Variants in TRHDE observed in about 807,000 individuals in gnomAD.
The protein encoded by TRHDE is thyrotropin releasing hormone degrading enzyme.
In TRHDE, 72 loss-of-function variants were observed where a neutral mutation model predicts 125.7. The ratio of observed to expected loss-of-function variants is 0.57; its 90% CI spans 0.47 to 0.70. The LOEUF is 0.70. Among genes scored for constraint, TRHDE ranks in the 30% least tolerant of loss-of-function variants. The pLI, the probability that TRHDE is intolerant of heterozygous loss-of-function variation, is 0.00. For missense variants in TRHDE, 1,110 were observed against 1,327.1 expected (o/e 0.84, Z 2.54); for synonymous variants, 509 against 509.1 (o/e 1.00, Z 0.00).
intron 6 of TRHDE, 149 bp from the exon 7 acceptor site, chr12:72,542,142 A>T: frequency 4.1e-6 from 2 of 488,284 alleles, no homozygotes; most frequent in Non-Finnish European, 6.8e-6. Flanking sequence ...GTTATCACTA[A>T]GTTGGATGTT....
chr12:72,326,932 A>C (rs888915650), intron 2 of TRHDE, among the ~76,000 whole-genome samples: 1 of 152,054 alleles, frequency 6.6e-6, no homozygotes, highest in South Asian at 2.1e-4. Context: ...CTGCTGAGCT[A>C]GATGATTATA....
At chr12:72,461,039 G>A (rs1006941538) in intron 3 of TRHDE, among the ~76,000 whole-genome samples, 1 of 152,150 alleles carries the variant, frequency 6.6e-6, no homozygotes, top group Non-Finnish European at 1.5e-5. Flanking sequence ...TGAATGTGTG[G>A]CAGGAGGATC....
chr12:72,230,894 T>C (rs778460575), intron 2 of TRHDE, among the ~76,000 whole-genome samples: 9 of 152,202 alleles, frequency 5.9e-5, no homozygotes, highest in Admixed American at 3.3e-4. Flanking sequence ...ACTGTTACTA[T>C]GAATCATTAT....
chr12:72,273,547 G>C lies in TRHDE; in HGVS notation c.904G>C (p.Gly302Arg), dbSNP rs368667547. The C allele has an allele frequency of 2.0e-5, 32 of 1,596,150 alleles. No individual in the cohort carries two copies. Among genetic ancestry groups the C allele is most frequent in the African/African-American group, 1.7e-4 (13 of 74,784 alleles). Residue 302 changes from glycine (G) to arginine (R), a missense_variant, in exon 1 of 19, where the codon GGG (glycine) becomes CGG (arginine). This residue lies in a region of TRHDE where 252 missense variants were observed against 274.8 expected (regional missense o/e 0.92). Transcript: ENST00000261180. The surrounding 1 kb of genome is among the most constrained non-coding windows in gnomAD (Gnocchi z 5.3). The part of the protein sequence containing the change: ...GFFRSSYVLH[G>R]ERRFLGVTQF... ...CTTCCGCAGCTCCTATGTGCTCCAC[G>C]GGGAGAGAAGGTATGGAGGGAGGCG...
At chr12:72,294,535 G>C (rs1000658965) in intron 2 of TRHDE, among the ~76,000 whole-genome samples, 4 of 152,112 alleles carry the variant, frequency 2.6e-5, no homozygotes, top group African/African-American at 9.7e-5. Context: ...TCTGCATCCA[G>C]TCGTCTGGAT....
chr12:72,390,208 G>A (rs897926822), intron 3 of TRHDE, among the ~76,000 whole-genome samples: 2 of 152,080 alleles, frequency 1.3e-5, no homozygotes, highest in Non-Finnish European at 2.9e-5. Flanking sequence ...AGCAAGATAC[G>A]TAATTTGTAT....
Position 72,251,925 on chromosome 12 carries a change from A to G in TRHDE, n.280-126070A>G, listed in dbSNP as rs113950291. ...ATGAAGTTGAAATCTTTTTACATGCATTTTTGCCATCTGTACATCCTCTTC... is the reference window on the plus strand; with the variant it reads ...ATGAAGTTGAAATCTTTTTACATGCGTTTTTGCCATCTGTACATCCTCTTC... On this transcript the variant is annotated intron_variant and non_coding_transcript_variant, in intron 2 of 4. Coordinates refer to the TRHDE transcript ENST00000548156. Among the ~76,000 whole-genome samples the G allele has an allele frequency of 5.3e-5, 8 of 152,146 alleles. 1 individual carries two copies. Among genetic ancestry groups the G allele is most frequent in the African/African-American group, 1.2e-4 (5 of 41,532 alleles).
At chr12:72,325,219 T>C (rs902140585) in intron 2 of TRHDE, among the ~76,000 whole-genome samples, 4 of 152,294 alleles carry the variant, frequency 2.6e-5, no homozygotes, top group African/African-American at 9.6e-5. Context: ...TTGTTATTTT[T>C]TGAGGGCTTA....
At chr12:72,496,150 A>C (rs989977186) in intron 5 of TRHDE, among the ~76,000 whole-genome samples, 4 of 152,224 alleles carry the variant, frequency 2.6e-5, no homozygotes, top group African/African-American at 9.6e-5. Flanking sequence ...CACCACAAAC[A>C]TTTCAACACG....
chr12:72,355,024 T>G (rs967745519), intron 2 of TRHDE, among the ~76,000 whole-genome samples: 4 of 151,560 alleles, frequency 2.6e-5, no homozygotes, highest in African/African-American at 4.8e-5. Context: ...CCAATATTGA[T>G]TAAGTTCCTG....
At chr12:72,480,990 C>A (rs1220037602) in intron 5 of TRHDE, among the ~76,000 whole-genome samples, 2 of 152,056 alleles carry the variant, frequency 1.3e-5, no homozygotes, top group African/African-American at 4.8e-5. Flanking sequence ...GAATGTTCAA[C>A]ATCTGCTATT....
chr12:72,108,831 C>T (rs1048272406), intron 2 of TRHDE, among the ~76,000 whole-genome samples: 15 of 151,972 alleles, frequency 9.9e-5, no homozygotes, highest in East Asian at 3.8e-4. Flanking sequence ...CACAAACACA[C>T]GAATGGTCTT....
At chr12:72,570,530 G>A (rs756199705) in intron 10 of TRHDE, among the ~76,000 whole-genome samples, 30 of 138,496 alleles carry the variant, frequency 2.2e-4, no homozygotes, top group Admixed American at 3.3e-4. Context: ...GCAGTGAGCC[G>A]AGATCGCGCT....
In TRHDE at chr12:72,652,923, G is replaced by C. The variant is rs561645234; in HGVS notation, c.2844-93G>C. 1,286 of 1,035,466 alleles carry C rather than the reference G, an allele frequency of 1.2e-3. 4 individuals carry two copies. The highest frequency in any genetic ancestry group is 2.0e-3 in the Admixed American group (76 of 37,366). The allele number at this position is 1,035,466 out of a possible 1,614,324, so 64.1% of individuals were successfully genotyped here. On this transcript the variant is annotated intron_variant, in intron 16 of 18. Coordinates refer to ENST00000261180, the MANE Select transcript of TRHDE (RefSeq NM_013381.3). ...GATTGCACTAGACTATTCTTTTGAA[G>C]AATATGACAAACTAGGTCCTATAAT...
At chr12:72,360,437 C>T (rs1228363932) in intron 2 of TRHDE, among the ~76,000 whole-genome samples, 1 of 151,672 alleles carries the variant, frequency 6.6e-6, no homozygotes, top group Non-Finnish European at 1.5e-5. Context: ...GTTTGCAGAA[C>T]AAGGCAGTTT....
chr12:72,345,366 A>G (rs886988173), intron 2 of TRHDE, among the ~76,000 whole-genome samples: 1 of 152,132 alleles, frequency 6.6e-6, no homozygotes, highest in Non-Finnish European at 1.5e-5. Context: ...ACATGATGTC[A>G]TTGAATGCAG....
chr12:72,173,013 T>C (rs1876910781), intron 2 of TRHDE, among the ~76,000 whole-genome samples: 1 of 152,210 alleles, frequency 6.6e-6, no homozygotes, highest in Admixed American at 6.5e-5. Context: ...TACTATTTTT[T>C]ATTAGTGTAT....
chr12:72,652,085 G>A (rs1243196593), intron 15 of TRHDE, among the ~76,000 whole-genome samples: 3 of 151,656 alleles, frequency 2.0e-5, no homozygotes, highest in African/African-American at 4.9e-5. Context: ...GTATAGTCAA[G>A]AGTGGAAATA....
chr12:72,585,138 T>C (rs1190731852), intron 12 of TRHDE, among the ~76,000 whole-genome samples: 1 of 152,202 alleles, frequency 6.6e-6, no homozygotes, highest in African/African-American at 2.4e-5. Flanking sequence ...TATGGGACTA[T>C]AGCCTCTACA....
Sources: allele counts gnomAD v4.1 joint callset (sites outside exome capture counted in the v4.1 genomes callset), GRCh38; gene constraint gnomAD v4.1.1; regional missense constraint gnomAD v4.1.1; non-coding constraint Gnocchi (gnomAD v3.1); transcripts MANE v1.5; gene names NCBI Gene and HGNC (gene_info 2026-07-23, HGNC 2026-07-21).